The following SLC71A1 variants were observed in gnomAD, a reference collection of about 807,000 sequenced individuals.
SLC71A1 encodes the protein hippocampus abundant gene transcript 1.
chr1:100,038,562 G>A, the SLC71A1 span, among the ~76,000 whole-genome samples: 6 of 152,198 alleles, frequency 3.9e-5, no homozygotes, highest in African/African-American at 1.2e-4. Flanking sequence ...CTCTGCTCTG[G>A]CCGCCTCTGC....
chr1:100,040,830 G>A, the SLC71A1 span, among the ~76,000 whole-genome samples: 2 of 152,068 alleles, frequency 1.3e-5, no homozygotes, highest in Admixed American at 6.6e-5. Context: ...TTAATTCATC[G>A]TATCATAGAA....
the SLC71A1 span, among the ~76,000 whole-genome samples, chr1:100,063,863 C>T: frequency 6.6e-6 from 1 of 152,076 alleles, no homozygotes; most frequent in Admixed American, 6.5e-5. Context: ...GAAATGGCTA[C>T]CAAGTGGAGA....
At chr1:100,060,355 A>G in the SLC71A1 span, among the ~76,000 whole-genome samples, 2 of 152,202 alleles carry the variant, frequency 1.3e-5, no homozygotes, top group Non-Finnish European at 2.9e-5. Flanking sequence ...GTCATTATCT[A>G]TATTAGTTAG....
At chr1:100,052,379 G>A in the SLC71A1 span, among the ~76,000 whole-genome samples, 1 of 151,266 alleles carries the variant, frequency 6.6e-6, no homozygotes, top group Admixed American at 6.6e-5. Context: ...TAATTAGAAA[G>A]GCTTGTTTAT....
the SLC71A1 span, among the ~76,000 whole-genome samples, chr1:100,056,694 G>A: frequency 6.6e-6 from 1 of 152,096 alleles, no homozygotes; most frequent in African/African-American, 2.4e-5. Context: ...TTTTTTGGAG[G>A]GGTATATACC....
the SLC71A1 span, chr1:100,058,685 C>A: frequency 6.3e-7 from 1 of 1,577,272 alleles, no homozygotes; most frequent in Non-Finnish European, 8.7e-7. Context: ...GAAACCTTTC[C>A]TAAACATACA....
At chr1:100,059,888 C>T in the SLC71A1 span, 2 of 1,608,190 alleles carry the variant, frequency 1.2e-6, no homozygotes, top group Non-Finnish European at 1.7e-6. Context: ...GGTTTGTTGT[C>T]ATTCCTTAGT....
chr1:100,049,185 G>C, the SLC71A1 span, among the ~76,000 whole-genome samples: 8 of 152,086 alleles, frequency 5.3e-5, no homozygotes, highest in Non-Finnish European at 8.8e-5. Context: ...CTCTGGCAGC[G>C]GTATAAACTT....
At chr1:100,052,424 C>CTTTTT in the SLC71A1 span, among the ~76,000 whole-genome samples, 12 of 119,640 alleles carry the variant, frequency 1.0e-4, 1 homozygote, top group African/African-American at 1.5e-4. Flanking sequence ...TAATATATTC[C>CTTTTT]TTTTTTTTTT....
the SLC71A1 span, among the ~76,000 whole-genome samples, chr1:100,038,494 C>T: frequency 6.6e-6 from 1 of 152,176 alleles, no homozygotes; most frequent in Admixed American, 6.5e-5. Context: ...AATCGTCCTC[C>T]GCTGCTCGGG....
the SLC71A1 span, among the ~76,000 whole-genome samples, chr1:100,071,029 T>G: frequency 1.8e-4 from 27 of 152,098 alleles, no homozygotes; most frequent in Non-Finnish European, 3.5e-4. Context: ...ATTTCTAGCT[T>G]CAGGTTTGTC....
chr1:100,055,417 G>A, the SLC71A1 span, among the ~76,000 whole-genome samples: 1 of 150,128 alleles, frequency 6.7e-6, no homozygotes, highest in Non-Finnish European at 1.5e-5. Flanking sequence ...CTTTTCACAA[G>A]TATGTTGAAT....
the SLC71A1 span, chr1:100,078,514 A>T: frequency 6.2e-7 from 1 of 1,613,844 alleles, no homozygotes; most frequent in Admixed American, 1.7e-5. Flanking sequence ...CTGTCAGTGC[A>T]CTTGTTTCAC....
chr1:100,043,751 C>G, the SLC71A1 span, among the ~76,000 whole-genome samples: 1 of 152,198 alleles, frequency 6.6e-6, no homozygotes, highest in African/African-American at 2.4e-5. Context: ...TTCTATTAGT[C>G]TTACGCCTTT....
chr1:100,075,899 A>G, the SLC71A1 span, among the ~76,000 whole-genome samples: 1 of 152,236 alleles, frequency 6.6e-6, no homozygotes, highest in East Asian at 1.9e-4. Context: ...GCTGGTCTCA[A>G]ACTCCTGGGT....
At chr1:100,038,883 A>G in the SLC71A1 span, among the ~76,000 whole-genome samples, 2,045 of 152,310 alleles carry the variant, frequency 0.013, 18 homozygotes, top group Middle Eastern at 0.058. Flanking sequence ...CTGACCGGAG[A>G]TGGGCTTCCC....
chr1:100,080,774 C>T, the SLC71A1 span: 1 of 915,974 alleles, frequency 1.1e-6, no homozygotes, highest in Non-Finnish European at 1.7e-6. Context: ...GGATAAAATG[C>T]TTAAAAACCA....
the SLC71A1 span, among the ~76,000 whole-genome samples, chr1:100,049,286 T>C: frequency 2.0e-5 from 3 of 152,202 alleles, no homozygotes; most frequent in South Asian, 6.2e-4. Context: ...CATGTTGATA[T>C]CGTGTTTATA....
chr1:100,038,136 G>A, the SLC71A1 span: 16 of 1,105,278 alleles, frequency 1.4e-5, no homozygotes, highest in Non-Finnish European at 2.0e-5. Context: ...GGCGCCCAGA[G>A]CGGCTCGGCC....
Sources: gnomAD v4.1 joint callset for allele counts (sites outside exome capture counted in the v4.1 genomes callset) on GRCh38, gnomAD v4.1.1 for gene constraint, MANE v1.5 for transcripts, NCBI Gene and HGNC (gene_info 2026-07-23, HGNC 2026-07-21) for gene names.